Variants in ARHGAP27 observed in about 807,000 individuals in gnomAD.
ARHGAP27 encodes Rho GTPase activating protein 27, also known as rho GTPase-activating protein 27.
Under a neutral mutation model 102.0 loss-of-function variants are expected in ARHGAP27, and 53 were observed. The ratio of observed to expected loss-of-function variants is 0.52; its 90% confidence interval spans 0.42 to 0.65. The LOEUF is 0.65. ARHGAP27 is among the 30% of genes least tolerant of loss of function. ARHGAP27 has a pLI of 0.00. For synonymous variants in ARHGAP27, 525 were observed against 542.8 expected, an observed-to-expected ratio of 0.97 and a Z score of 0.46; for missense variants, 1,117 against 1,256.2, an observed-to-expected ratio of 0.89 and a Z score of 1.68.
chr17:45,425,779 G>T, intron 4 of ARHGAP27: 1 of 299,380 alleles, frequency 3.3e-6, no homozygotes, highest in Non-Finnish European at 4.9e-6. Context: ...GATGGTGACC[G>T]CACCCTGAAA....
intron 4 of ARHGAP27, chr17:45,408,344 TG>T (rs754059010): frequency 2.0e-5 from 3 of 152,064 alleles, no homozygotes; most frequent in Admixed American, 6.6e-5. Context: ...GTGTAAATGG[TG>T]GGGGTGATGA....
chr17:45,419,031 G>T (rs567049023), intron 4 of ARHGAP27, among the ~76,000 whole-genome samples: 1 of 152,144 alleles, frequency 6.6e-6, no homozygotes, highest in Non-Finnish European at 1.5e-5. Flanking sequence ...CCAGCTCTGG[G>T]GAGCAAAGTC....
chr17:45,409,985 C>T, intron 4 of ARHGAP27: 2 of 504,300 alleles, frequency 4.0e-6, no homozygotes, highest in South Asian at 2.8e-5. Flanking sequence ...CCCCCTGGTA[C>T]TGCCTTACAG....
At position 45,404,854 on chromosome 17, in the gene ARHGAP27, G is replaced by C. The variant is rs544872231; in HGVS notation, c.1248+70C>G. 333 of 1,605,560 alleles carry C rather than the reference G, an allele frequency of 2.1e-4. 2 individuals carry two copies. The South Asian group carries it at 3.5e-3, about 17-fold the overall frequency. On this transcript the variant is annotated intron_variant, in intron 6 of 19. Transcript: ENST00000685559. The stretch of plus-strand genomic sequence containing the variant: ...GAGCTGCGGTTTAGAGCACTGAGGC[G>C]ACCTATTAGTGAGGAAGGTTGTGGG...
At chr17:45,412,309 T>C (rs1333062167) in intron 4 of ARHGAP27, among the ~76,000 whole-genome samples, 4 of 152,154 alleles carry the variant, frequency 2.6e-5, no homozygotes, top group Non-Finnish European at 4.4e-5. Flanking sequence ...TCCACCTCCC[T>C]CCACCACACC....
chr17:45,429,937 C>T lies in ARHGAP27; in HGVS notation c.343G>A (p.Gly115Ser), dbSNP rs1004927598. ...GGGCCGCACAGGGAGCTGGCTCGGCCTCCGGACTCCTCGGGGGCGCCGTCG... is the reference window on the plus strand; with the variant it reads ...GGGCCGCACAGGGAGCTGGCTCGGCTTCCGGACTCCTCGGGGGCGCCGTCG... ...GPDGAPEESG[G>S]RASSLCGPAQ... Residue 115 changes from glycine (G) to serine (S), a missense_variant, in exon 4 of 20, where the codon GGC (glycine) becomes AGC (serine). Physicochemically the swap from Gly to Ser is moderately conservative, Grantham distance 56. Transcript: ENST00000685559. 1.8e-6 allele frequency: 2 copies of T among 1,132,222 alleles called. No individual in the cohort carries two copies. The highest frequency in any genetic ancestry group is 1.0e-4 in the East Asian group (2 of 19,496). 70.1% of individuals were successfully genotyped at this position (1,132,222 alleles called of 1,614,324 possible). A position where few individuals can be genotyped will look rare whatever the true frequency, so the allele number is the denominator to read the frequency against.
At position 45,430,075 on chromosome 17, in the gene ARHGAP27, C is replaced by A. The variant is rs2049940583; in HGVS notation, c.205G>T (p.Ala69Ser). Residue 69 changes from alanine (A) to serine (S), a missense_variant, in exon 4 of 20, where the codon GCG becomes TCG. Physicochemically the swap from Ala to Ser is moderately conservative, Grantham distance 99. Coordinates refer to ENST00000685559, the MANE Select transcript of ARHGAP27 (RefSeq NM_001282290.2). The surrounding 1 kb of genome is among the most constrained non-coding windows in gnomAD (Gnocchi z 4.4). ...LPAQYVRELP[A>S]LGNPAAAAPP... ...GCGGCGGCGGCAGGGTTGCCCAGCGCGGGCAGCTCGCGCACGTACTGCGCA... is the reference window on the plus strand; with the variant it reads ...GCGGCGGCGGCAGGGTTGCCCAGCGAGGGCAGCTCGCGCACGTACTGCGCA... The A allele has an allele frequency of 7.3e-7, 1 of 1,377,856 alleles. No homozygotes were observed. Among genetic ancestry groups the A allele is most frequent in the Admixed American group, 3.9e-5 (1 of 25,376 alleles). The allele number at this position is 1,377,856 out of a possible 1,614,324, so 85.4% of individuals were successfully genotyped here.
chr17:45,403,926 A>C, intron 10 of ARHGAP27, 103 bp downstream of exon 10: 6 of 1,324,160 alleles, frequency 4.5e-6, no homozygotes, highest in Non-Finnish European at 6.4e-6. Flanking sequence ...CCACTCACGA[A>C]GTTGTTGTGA....
At position 45,394,089 on chromosome 17, in the gene ARHGAP27, G is replaced by T. The variant is rs1482306773; in HGVS notation, c.*1367C>A. 1 of 152,682 alleles carries T rather than the reference G, an allele frequency of 6.5e-6. No individual in the cohort carries two copies. The allele number at this position is 152,682 out of a possible 1,614,324, so 9.5% of individuals were successfully genotyped here. On this transcript the variant is annotated 3_prime_UTR_variant, in exon 20 of 20. Coordinates refer to ENST00000685559, the MANE Select transcript of ARHGAP27 (RefSeq NM_001282290.2). ...TCCACCAGGGCAGGCAGCCCATGCA[G>T]TGCCCCTGCCCAGAGCACAGCACCT... is the stretch of plus-strand genomic sequence containing the variant.
chr17:45,401,066 G>A (rs2046383390), intron 12 of ARHGAP27, among the ~76,000 whole-genome samples: 1 of 152,130 alleles, frequency 6.6e-6, no homozygotes, highest in Admixed American at 6.5e-5. Flanking sequence ...TCCAGGCTAG[G>A]CACAGTGGCT....
chr17:45,410,343 C>G, intron 4 of ARHGAP27: 1 of 1,435,272 alleles, frequency 7.0e-7, no homozygotes, highest in Admixed American at 2.9e-5. Flanking sequence ...GGGGGTAGAG[C>G]CCAGGGGCAC....
chr17:45,412,206 G>A (rs1023307246), intron 4 of ARHGAP27, among the ~76,000 whole-genome samples: 3 of 152,228 alleles, frequency 2.0e-5, no homozygotes, highest in Non-Finnish European at 2.9e-5. Flanking sequence ...GTTCCTGCCT[G>A]CTCTTGGCCA....
At position 45,404,285 on chromosome 17, in the gene ARHGAP27, G is replaced by A. The variant is rs2046848099; in HGVS notation, c.1463C>T (p.Ala488Val). ...GATGCCTACCCTCACAGCAGCTGTGGCAGGAGAGACTTCCTCCCAGCTCCC... is the reference window on the plus strand; with the variant it reads ...GATGCCTACCCTCACAGCAGCTGTGACAGGAGAGACTTCCTCCCAGCTCCC... ...EVGSWEEVSP[A>V]TAAVRTKTLD... Residue 488 changes from alanine to valine, a missense_variant, in exon 9 of 20, where the codon GCC becomes GTC. Around this residue, in one of 3 missense-constraint regions of ARHGAP27, gnomAD observed 610 missense variants for 716.4 expected, o/e 0.85. Transcript: ENST00000685559. 1.2e-6 allele frequency: 2 copies of A among 1,613,894 alleles called. No homozygotes were observed. The highest frequency in any genetic ancestry group is 1.3e-5 in the African/African-American group (1 of 74,902).
At chr17:45,403,768 C>T (rs1362423341) in intron 10 of ARHGAP27, 59 bp from the exon 11 acceptor site, 6 of 1,405,026 alleles carry the variant, frequency 4.3e-6, no homozygotes, top group Non-Finnish European at 5.9e-6. Context: ...GGGCTGAGGG[C>T]CCCTCCTACC....
At position 45,396,905 on chromosome 17, in the gene ARHGAP27, C is replaced by A; in HGVS notation, c.1951+11G>T. 8 of 1,607,196 alleles carry A rather than the reference C, an allele frequency of 5.0e-6. No individual in the cohort carries two copies. The highest frequency in any genetic ancestry group is 6.8e-6 in the Non-Finnish European group (8 of 1,179,932). On this transcript the variant is annotated intron_variant, in intron 14 of 19. Transcript: ENST00000685559. The stretch of plus-strand genomic sequence containing the variant: ...TCCTGGAGCCCCCACCCCATCCTGC[C>A]TTGCGCACACCTGCATTCGGTCGCG...
intron 4 of ARHGAP27, among the ~76,000 whole-genome samples, chr17:45,421,413 T>A (rs2144931545): frequency 6.7e-6 from 1 of 150,344 alleles, no homozygotes; most frequent in South Asian, 2.1e-4. Flanking sequence ...ACCCAGGAGG[T>A]CGAGGCTGCA....
chr17:45,402,751 G>C lies in ARHGAP27; in HGVS notation c.1706C>G (p.Ala569Gly). 1 of 1,613,348 alleles carries C rather than the reference G, an allele frequency of 6.2e-7. No individual in the cohort carries two copies. Among genetic ancestry groups the C allele is most frequent in the Non-Finnish European group, 8.5e-7 (1 of 1,179,576 alleles). The change falls in exon 12 of 20, where the codon GCC becomes GGC. Residue 569 changes from alanine (A) to glycine (G), a missense_variant. Physicochemically the swap from Ala to Gly is moderately conservative, Grantham distance 60. This residue lies in a region of ARHGAP27 where 493 missense variants were observed against 505.5 expected (regional missense o/e 0.98). Transcript: ENST00000685559. The stretch of plus-strand genomic sequence containing the variant: ...CTTCCTACTGGATTTGTCTTTGGGG[G>C]CCCAGGAGAGAGTGGCCCCCCTCAG... ...VELRGATLSW[A>G]PKDKSSRKNV...
chr17:45,425,218 C>A lies in ARHGAP27; in HGVS notation c.657+4405G>T, dbSNP rs557815730. Among the ~76,000 whole-genome samples the A allele has an allele frequency of 5.1e-3, 767 of 151,672 alleles. 7 individuals are homozygous for A. The highest frequency in any genetic ancestry group is 0.018 in the African/African-American group (732 of 41,298). On this transcript the variant is annotated intron_variant, in intron 4 of 19. Transcript: ENST00000685559. ...GCAGGGCCACCCCAGGGTGGCTGCCCCACCTGGGGGTTGGGGGTGGGGGGT... is the reference window on the plus strand; with the variant it reads ...GCAGGGCCACCCCAGGGTGGCTGCCACACCTGGGGGTTGGGGGTGGGGGGT...
At chr17:45,422,150 A>C (rs2049090881) in intron 4 of ARHGAP27, among the ~76,000 whole-genome samples, 1 of 152,128 alleles carries the variant, frequency 6.6e-6, no homozygotes, top group Non-Finnish European at 1.5e-5. Flanking sequence ...TGAGTGACAC[A>C]GCGAGACTCC....
Sources: allele counts gnomAD v4.1 joint callset (sites outside exome capture counted in the v4.1 genomes callset), GRCh38; gene constraint gnomAD v4.1.1; regional missense constraint gnomAD v4.1.1; non-coding constraint Gnocchi (gnomAD v3.1); transcripts MANE v1.5; gene names NCBI Gene and HGNC (gene_info 2026-07-23, HGNC 2026-07-21).